Variants in GKAP1 observed in about 807,000 individuals in gnomAD.
GKAP1 encodes the protein G kinase anchoring protein 1.
In GKAP1, 31 loss-of-function variants were observed where a neutral mutation model predicts 56.7. The ratio of observed to expected loss-of-function variants is 0.55; its 90% confidence interval spans 0.41 to 0.74. GKAP1 has a LOEUF of 0.74. GKAP1 is among the 30% of genes least tolerant of loss of function. The probability of loss-of-function intolerance (pLI) is 0.00; values close to 1 mark genes in which losing one functional copy is unlikely to be tolerated. For missense variants in GKAP1, 364 were observed against 402.3 expected (o/e 0.90, Z 0.82); for synonymous variants, 151 against 138.6 (o/e 1.09, Z -0.63).
At chr9:83,816,318 G>A (rs1163506653) in intron 2 of GKAP1, among the ~76,000 whole-genome samples, 1 of 152,070 alleles carries the variant, frequency 6.6e-6, no homozygotes, top group East Asian at 1.9e-4. Context: ...TTTTCTCATA[G>A]TTAAGTACTG....
At chr9:83,803,114 A>C (rs1394939482) in intron 3 of GKAP1, among the ~76,000 whole-genome samples, 1 of 152,190 alleles carries the variant, frequency 6.6e-6, no homozygotes, top group East Asian at 1.9e-4. Flanking sequence ...CGTCTCAAAA[A>C]AACAAAAACA....
intron 8 of GKAP1, among the ~76,000 whole-genome samples, chr9:83,762,622 A>C (rs566378630): frequency 8.5e-5 from 13 of 152,208 alleles, no homozygotes; most frequent in Non-Finnish European, 1.2e-4. Context: ...AGAAAACTGA[A>C]GGAATCATGT....
chr9:83,769,162 C>G (rs1257434993), intron 7 of GKAP1, among the ~76,000 whole-genome samples, 192 bp from the exon 8 acceptor site: 1 of 152,180 alleles, frequency 6.6e-6, no homozygotes, highest in Non-Finnish European at 1.5e-5. Context: ...GAAGATAAAA[C>G]AGTAGAGACA....
chr9:83,755,385 A>T (rs1202379085), intron 8 of GKAP1, among the ~76,000 whole-genome samples: 2 of 152,214 alleles, frequency 1.3e-5, no homozygotes, highest in African/African-American at 4.8e-5. Context: ...CTGGAAGAAC[A>T]TACACCAAAA....
chr9:83,762,326 AAAAT>A (rs1943587441), intron 8 of GKAP1, among the ~76,000 whole-genome samples: 1 of 152,178 alleles, frequency 6.6e-6, no homozygotes, highest in South Asian at 2.1e-4. Flanking sequence ...GCCATAAATA[AAAAT>A]AAATACCTAG....
chr9:83,762,502 A>G (rs1420266043), intron 8 of GKAP1, among the ~76,000 whole-genome samples: 1 of 152,170 alleles, frequency 6.6e-6, no homozygotes, highest in Admixed American at 6.5e-5. Context: ...GATTCAATGC[A>G]ATCCCTATTA....
intron 7 of GKAP1, among the ~76,000 whole-genome samples, chr9:83,779,510 T>C (rs868324326): frequency 7.7e-6 from 1 of 129,494 alleles, no homozygotes; most frequent in African/African-American, 3.0e-5. Flanking sequence ...CACATATATG[T>C]GTATATATAT....
intron 4 of GKAP1, chr9:83,793,064 A>C: frequency 2.2e-5 from 22 of 986,222 alleles, no homozygotes; most frequent in Non-Finnish European, 2.9e-5. Context: ...CCTATAGCTC[A>C]ATCAGTTAAA....
intron 8 of GKAP1, among the ~76,000 whole-genome samples, chr9:83,758,800 T>A (rs1234528544): frequency 1.3e-5 from 2 of 151,868 alleles, no homozygotes; most frequent in African/African-American, 4.8e-5. Context: ...CTTTTCACCT[T>A]TAAAAATGCC....
chr9:83,742,161 CCAT>C (rs1943219563), intron 11 of GKAP1, 132 bp from the exon 12 acceptor site: 1 of 666,216 alleles, frequency 1.5e-6, no homozygotes, highest in South Asian at 1.7e-5. Flanking sequence ...CCCATAATTT[CCAT>C]TTGGTATTGT....
At position 83,799,326 on chromosome 9, in the gene GKAP1, G is replaced by T; in HGVS notation, c.219C>A (p.Leu73=). Residue 73 remains leucine, a splice_region_variant and synonymous_variant, in exon 4 of 13, where the codon CTC becomes CTA. Transcript: ENST00000376371. ...GAATTTTCTTAAAAGCAAGATTCCT[G>T]AGCTATAAAACAAACAAAAAATATA... ...KEQQQSEANE[L]RNLAFKKIPQ... 6.3e-7 allele frequency: 1 copy of T among 1,585,732 alleles called. No individual in the cohort carries two copies. Among genetic ancestry groups the T allele is most frequent in the South Asian group, 1.2e-5 (1 of 85,814 alleles).
intron 7 of GKAP1, among the ~76,000 whole-genome samples, chr9:83,770,939 T>C (rs1162972579): frequency 1.3e-5 from 2 of 151,820 alleles, no homozygotes; most frequent in African/African-American, 4.8e-5. Flanking sequence ...TTTTTATCAC[T>C]GTCTATCCAA....
intron 4 of GKAP1, among the ~76,000 whole-genome samples, chr9:83,796,207 C>T (rs559213477): frequency 6.6e-6 from 1 of 152,110 alleles, no homozygotes; most frequent in Non-Finnish European, 1.5e-5. Context: ...GCTGGGATTA[C>T]AGGCATGAGC....
At chr9:83,794,201 A>T (rs1184278706) in intron 4 of GKAP1, among the ~76,000 whole-genome samples, 1 of 152,146 alleles carries the variant, frequency 6.6e-6, no homozygotes, top group Non-Finnish European at 1.5e-5. Flanking sequence ...AGAGAGAGAA[A>T]GAAACTTGGT....
chr9:83,764,586 A>G (rs1303401190), intron 8 of GKAP1, among the ~76,000 whole-genome samples: 2 of 152,130 alleles, frequency 1.3e-5, no homozygotes, highest in African/African-American at 4.8e-5. Flanking sequence ...CTGGGTAACA[A>G]GCAGAGGCTG....
At chr9:83,742,405 A>G in intron 11 of GKAP1, 125 bp downstream of exon 11, 1 of 652,984 alleles carries the variant, frequency 1.5e-6, no homozygotes, top group Non-Finnish European at 2.6e-6. Flanking sequence ...GGGCTATTAC[A>G]TAATAATAAA....
chr9:83,787,427 G>C (rs1944084460), intron 5 of GKAP1, among the ~76,000 whole-genome samples: 1 of 151,942 alleles, frequency 6.6e-6, no homozygotes, highest in Non-Finnish European at 1.5e-5. Flanking sequence ...TTTAGAGACA[G>C]TGTCTTGCTG....
At chr9:83,804,644 G>C (rs1944403648) in intron 3 of GKAP1, among the ~76,000 whole-genome samples, 1 of 140,142 alleles carries the variant, frequency 7.1e-6, no homozygotes, top group Non-Finnish European at 1.6e-5. Context: ...CCCCCCGCCT[G>C]GCCAGCCGCC....
chr9:83,811,883 T>TA (rs890797040), intron 2 of GKAP1, among the ~76,000 whole-genome samples: 24 of 146,906 alleles, frequency 1.6e-4, no homozygotes, highest in South Asian at 2.1e-4. Context: ...ATGCTATACT[T>TA]AAAAAAAAAA....
Sources: allele counts gnomAD v4.1 joint callset (sites outside exome capture counted in the v4.1 genomes callset), GRCh38; gene constraint gnomAD v4.1.1; transcripts MANE v1.5; gene names NCBI Gene and HGNC (gene_info 2026-07-23, HGNC 2026-07-21).